Variants in PCDHA10 observed in about 807,000 individuals in gnomAD.
PCDHA10 encodes the protein protocadherin alpha 10.
A neutral mutation model predicts 61.2 loss-of-function variants in PCDHA10; 45 were observed. The observed-to-expected ratio is 0.74, with a 90% CI of 0.58 to 0.94. PCDHA10 has a LOEUF of 0.94. Among genes scored for constraint, PCDHA10 ranks in the 40% least tolerant of loss-of-function variants. The probability of loss-of-function intolerance (pLI) is 0.00; values close to 1 mark genes in which losing one functional copy is unlikely to be tolerated. For missense variants in PCDHA10, 1,278 were observed against 1,236.2 expected, an observed-to-expected ratio of 1.03 and a Z score of -0.51; for synonymous variants, 602 against 548.8, an observed-to-expected ratio of 1.10 and a Z score of -1.35.
intron 1 of PCDHA10, among the ~76,000 whole-genome samples, chr5:140,925,821 T>C (rs1381036851): frequency 1.3e-5 from 2 of 152,136 alleles, no homozygotes; most frequent in African/African-American, 4.8e-5. Context: ...CACGTCTTCT[T>C]TGGGGACGGG....
At chr5:140,870,912 C>A in intron 1 of PCDHA10, 1 of 1,613,952 alleles carries the variant, frequency 6.2e-7, no homozygotes, top group South Asian at 1.1e-5. Context: ...CAGGCTACAA[C>A]GCGTGGCTTT....
intron 1 of PCDHA10, chr5:140,862,642 G>A: frequency 1.8e-6 from 1 of 540,964 alleles, no homozygotes; most frequent in South Asian, 1.4e-5. Context: ...CGACTTCACA[G>A]TGTCCGCGCG....
At chr5:140,882,327 T>C in intron 1 of PCDHA10, 1 of 1,614,172 alleles carries the variant, frequency 6.2e-7, no homozygotes, top group Non-Finnish European at 8.5e-7. Flanking sequence ...TGGCTTCTGA[T>C]CCTCGCAGCC....
chr5:140,928,228 C>A (rs376517088), intron 1 of PCDHA10: 2 of 1,614,218 alleles, frequency 1.2e-6, no homozygotes, highest in Admixed American at 1.7e-5. Context: ...ACCAAACTTT[C>A]CTCAACCCCA....
At chr5:140,983,062 G>A (rs575564004) in intron 3 of PCDHA10, among the ~76,000 whole-genome samples, 2 of 152,168 alleles carry the variant, frequency 1.3e-5, no homozygotes, top group South Asian at 4.2e-4. Context: ...TCGGAACCAA[G>A]GCATTGTTTT....
chr5:140,978,140 T>C (rs1379052059), intron 1 of PCDHA10, among the ~76,000 whole-genome samples: 2 of 152,222 alleles, frequency 1.3e-5, no homozygotes, highest in Non-Finnish European at 2.9e-5. Flanking sequence ...ATTTTCCTCT[T>C]TGTTCTCCCC....
At position 140,925,553 on chromosome 5, in the gene PCDHA10, A is replaced by G. The variant is rs183194732; in HGVS notation, c.2389-53396A>G. 8.0e-3 allele frequency among the ~76,000 whole-genome samples: 1,211 copies of G among 152,074 alleles called. 7 individuals carry two copies. The highest frequency in any genetic ancestry group is 0.019 in the African/African-American group (785 of 41,482). On this transcript the variant is annotated intron_variant, in intron 1 of 3. Transcript: ENST00000307360. The stretch of plus-strand genomic sequence containing the variant: ...AGGAGAAATACCTAATGTAAATGAC[A>G]AGTTAATGGGTGCAGCACACCAACA...
chr5:140,939,993 G>A (rs889924458), intron 1 of PCDHA10, among the ~76,000 whole-genome samples: 3 of 151,902 alleles, frequency 2.0e-5, no homozygotes, highest in African/African-American at 7.3e-5. Context: ...GTTTCTCCTT[G>A]GATTTTGTCA....
chr5:140,860,649 A>T (rs1256237065), intron 1 of PCDHA10: 2 of 152,282 alleles, frequency 1.3e-5, no homozygotes, highest in Non-Finnish European at 2.9e-5. Context: ...GAAGAAGATA[A>T]GTGAAATAAT....
At position 140,928,712 on chromosome 5, in the gene PCDHA10, G is replaced by A; in HGVS notation, c.2389-50237G>A. 3.1e-6 allele frequency: 5 copies of A among 1,614,168 alleles called. No homozygotes were observed. The highest frequency in any genetic ancestry group is 4.2e-6 in the Non-Finnish European group (5 of 1,180,042). Reference sequence around the variant, plus strand: ...CACATCTCCCGGGCGTCTGACTCTAGTCTCTTTAGAATTTCAGCCAATATA... The same window carrying A: ...CACATCTCCCGGGCGTCTGACTCTAATCTCTTTAGAATTTCAGCCAATATA... On this transcript the variant is annotated intron_variant, in intron 1 of 3. Coordinates refer to ENST00000307360, the MANE Select transcript of PCDHA10 (RefSeq NM_018901.4).
chr5:140,989,722 A>C (rs1472933877), intron 3 of PCDHA10, among the ~76,000 whole-genome samples: 1 of 152,224 alleles, frequency 6.6e-6, no homozygotes, highest in African/African-American at 2.4e-5. Context: ...TCAGCTTTGC[A>C]GTTGAAAAGG....
chr5:140,898,579 T>A (rs1471026172), intron 1 of PCDHA10, among the ~76,000 whole-genome samples: 1 of 152,222 alleles, frequency 6.6e-6, no homozygotes, highest in African/African-American at 2.4e-5. Flanking sequence ...GCCATGCTGT[T>A]TTGGTTACTG....
intron 1 of PCDHA10, chr5:140,927,596 G>T: frequency 6.2e-7 from 1 of 1,614,162 alleles, no homozygotes; most frequent in Non-Finnish European, 8.5e-7. Context: ...GTATTTGAGC[G>T]CTCCGTATAC....
At position 140,927,789 on chromosome 5, in the gene PCDHA10, A is replaced by G. The variant is rs781883935; in HGVS notation, c.2389-51160A>G. On this transcript the variant is annotated intron_variant, in intron 1 of 3. Transcript: ENST00000307360. The stretch of plus-strand genomic sequence containing the variant: ...GGGAGGTGCAAGTAGCTGCTTCACT[A>G]GGTCCGCCTGAAACGCTCTTGGAGG... 4 of 1,614,164 alleles carry G rather than the reference A, an allele frequency of 2.5e-6. No individual in the cohort carries two copies. The African/African-American group carries it at 4.0e-5, about 16-fold the overall frequency.
chr5:140,979,053 T>A (rs1429544807), intron 2 of PCDHA10, 46 bp downstream of exon 2: 3 of 1,610,104 alleles, frequency 1.9e-6, no homozygotes, highest in Admixed American at 3.4e-5. Context: ...CTTAACTTGG[T>A]ATGGCTCAGA....
intron 1 of PCDHA10, among the ~76,000 whole-genome samples, chr5:140,891,271 G>A (rs782182381): frequency 7.9e-5 from 12 of 151,678 alleles, no homozygotes; most frequent in South Asian, 4.2e-4. Flanking sequence ...TAATTTTTCC[G>A]TAAGTTATTG....
intron 1 of PCDHA10, chr5:140,883,616 G>C: frequency 6.2e-7 from 1 of 1,614,014 alleles, no homozygotes; most frequent in Non-Finnish European, 8.5e-7. Flanking sequence ...CGACGTGAAC[G>C]ACAACGCGCC....
chr5:140,899,225 A>C (rs1479429839), intron 1 of PCDHA10, among the ~76,000 whole-genome samples: 1 of 152,038 alleles, frequency 6.6e-6, no homozygotes, highest in African/African-American at 2.4e-5. Context: ...TTCCAACACT[A>C]TGTTGAATAG....
intron 1 of PCDHA10, among the ~76,000 whole-genome samples, chr5:140,955,017 T>G (rs1157818120): frequency 6.6e-6 from 1 of 152,186 alleles, no homozygotes. Context: ...CCAGCACCAT[T>G]TATTAAATAG....
Sources: gnomAD v4.1 joint callset for allele counts (sites outside exome capture counted in the v4.1 genomes callset) on GRCh38, gnomAD v4.1.1 for gene constraint, MANE v1.5 for transcripts, NCBI Gene and HGNC (gene_info 2026-07-23, HGNC 2026-07-21) for gene names.